The following CYP26C1 variants were observed in gnomAD, a reference collection of about 807,000 sequenced individuals.
CYP26C1 encodes cytochrome P450 26C1.
A neutral mutation model predicts 39.1 loss-of-function variants in CYP26C1; 41 were observed. That is an observed-to-expected ratio of 1.05 (90% CI 0.82 to 1.36). CYP26C1 has a LOEUF of 1.36. CYP26C1 is among the 40% of genes most tolerant of loss of function. The pLI, the probability that CYP26C1 is intolerant of heterozygous loss-of-function variation, is 0.00. For missense variants in CYP26C1, 833 were observed against 752.0 expected, an observed-to-expected ratio of 1.11 and a Z score of -1.26; for synonymous variants, 362 against 350.8, an observed-to-expected ratio of 1.03 and a Z score of -0.36.
chr10:93,067,103 C>T (rs192755803), intron 5 of CYP26C1, among the ~76,000 whole-genome samples: 1 of 152,358 alleles, frequency 6.6e-6, no homozygotes, highest in Non-Finnish European at 1.5e-5. Context: ...ATGGGCATTC[C>T]ACAGTGAACA....
Position 93,062,836 on chromosome 10 carries a change from C to T in CYP26C1, c.546C>T (p.Tyr182=), listed in dbSNP as rs1265555847. ...WCAAGGPVSV[Y]DASKALTFRM... ...CGGCGGGCGGGCCGGTCTCAGTCTA[C>T]GACGCCTCCAAAGCGCTCACCTTCC... is the stretch of plus-strand genomic sequence containing the variant. Residue 182 remains tyrosine (Y), a synonymous_variant, in exon 3 of 6, where the codon TAC becomes TAT. Coordinates refer to ENST00000651965, the MANE Select transcript of CYP26C1 (RefSeq NM_183374.3). 1.3e-6 allele frequency: 2 copies of T among 1,586,678 alleles called. No individual in the cohort carries two copies. Among genetic ancestry groups the T allele is most frequent in the African/African-American group, 1.3e-5 (1 of 74,456 alleles).
chr10:93,063,285 GTC>G (rs1846776148), intron 3 of CYP26C1: 2 of 1,180,826 alleles, frequency 1.7e-6, no homozygotes, highest in South Asian at 7.8e-5. Flanking sequence ...AGAGTTTGGG[GTC>G]TCGGTGGCAG....
chr10:93,063,108 G>C, intron 3 of CYP26C1, 113 bp downstream of exon 3: 1 of 1,447,518 alleles, frequency 6.9e-7, no homozygotes, highest in Admixed American at 2.7e-5. Flanking sequence ...CCTCTGCTGG[G>C]AACGGCGGCA....
intron 3 of CYP26C1, chr10:93,063,463 C>A: frequency 1.7e-5 from 17 of 988,390 alleles, no homozygotes; most frequent in Non-Finnish European, 2.0e-5. Context: ...GTGTGGGCGT[C>A]AGCTCCACCA....
intron 5 of CYP26C1, among the ~76,000 whole-genome samples, chr10:93,067,671 G>A (rs2134415899): frequency 6.6e-6 from 1 of 152,182 alleles, no homozygotes; most frequent in South Asian, 2.1e-4. Context: ...GTTGGAAGAC[G>A]TATCAAAAAG....
At chr10:93,063,678 C>T (rs1478147808) in intron 3 of CYP26C1, 2 of 983,788 alleles carry the variant, frequency 2.0e-6, no homozygotes, top group African/African-American at 1.7e-5. Context: ...GGCTGATCAC[C>T]GTGGATACGT....
chr10:93,067,204 G>A (rs1846840174), intron 5 of CYP26C1, among the ~76,000 whole-genome samples: 2 of 152,252 alleles, frequency 1.3e-5, no homozygotes, highest in Non-Finnish European at 1.5e-5. Flanking sequence ...GAAGGGGGCC[G>A]GGACTGACAG....
At chr10:93,063,910 A>G in intron 3 of CYP26C1, 1 of 986,840 alleles carries the variant, frequency 1.0e-6, no homozygotes, top group Non-Finnish European at 1.2e-6. Context: ...GGCATCCCCT[A>G]TTGCCCACGC....
intron 4 of CYP26C1, 115 bp from the exon 5 acceptor site, chr10:93,065,841 C>T (rs1846817315): frequency 9.7e-7 from 1 of 1,035,148 alleles, no homozygotes; most frequent in Non-Finnish European, 1.3e-6. Flanking sequence ...TTCCCTGCCC[C>T]CTGGCTTTTC....
Position 93,066,176 on chromosome 10 carries a change from C to G in CYP26C1, c.1082C>G (p.Ala361Gly). 3.5e-6 allele frequency: 5 copies of G among 1,443,828 alleles called. No homozygotes were observed. Among genetic ancestry groups the G allele is most frequent in the Non-Finnish European group, 4.6e-6 (5 of 1,098,620 alleles). The allele number at this position is 1,443,828 out of a possible 1,614,324, so 89.4% of individuals were successfully genotyped here. ...GGCTGCGAGCCCGACCTCAGCCTCGCGGCGCTGGGCCGTCTGCGCTACGTC... is the reference window on the plus strand; with the variant it reads ...GGCTGCGAGCCCGACCTCAGCCTCGGGGCGCTGGGCCGTCTGCGCTACGTC... The part of the protein sequence containing the change: ...DCGCEPDLSL[A>G]ALGRLRYVDC... The change falls in exon 5 of 6, where the codon GCG becomes GGG. Residue 361 changes from alanine to glycine, a missense_variant. Transcript: ENST00000651965.
In CYP26C1 at chr10:93,068,859, AAGG is replaced by A; in HGVS notation, c.*169_*171del. ...ACGCGGATGTGTGCCGGACTCGAGG[AAGG>A]AGGAGGGCGAGCCACCGCTGCCGCG... On this transcript the variant is annotated 3_prime_UTR_variant, in exon 6 of 6. Transcript: ENST00000651965. 1.6e-6 allele frequency: 2 copies of A among 1,270,900 alleles called. No homozygotes were observed. Among genetic ancestry groups the A allele is most frequent in the Middle Eastern group, 2.8e-4 (1 of 3,540 alleles). The allele number at this position is 1,270,900 out of a possible 1,614,324, so 78.7% of individuals were successfully genotyped here. A position where few individuals can be genotyped will look rare whatever the true frequency, so the allele number is the denominator to read the frequency against.
In CYP26C1 at chr10:93,063,404, G is replaced by C. The variant is rs1040656830; in HGVS notation, c.705+409G>C. The C allele has an allele frequency of 1.6e-5, 16 of 1,001,446 alleles. No homozygotes were observed. In the African/African-American group the frequency reaches 2.8e-4, roughly 17 times the overall value. The allele number at this position is 1,001,446 out of a possible 1,614,324, so 62.0% of individuals were successfully genotyped here. Reference sequence around the variant, plus strand: ...GCTGCGGAACCGAGGAGAGCGTGAGGGCTGCAGATGAGCCCCGGTCCAGCC... The same window carrying C: ...GCTGCGGAACCGAGGAGAGCGTGAGCGCTGCAGATGAGCCCCGGTCCAGCC... On this transcript the variant is annotated intron_variant, in intron 3 of 5. Transcript: ENST00000651965.
Position 93,063,347 on chromosome 10 carries a change from C to G in CYP26C1, c.705+352C>G. On this transcript the variant is annotated intron_variant, in intron 3 of 5. Transcript: ENST00000651965. ...CTTCCCACAGCGGCGCCCCTGGGGCCGGCCTCCATCACCTCTTCGGAAGCC... is the reference window on the plus strand; with the variant it reads ...CTTCCCACAGCGGCGCCCCTGGGGCGGGCCTCCATCACCTCTTCGGAAGCC... 2.8e-6 allele frequency: 3 copies of G among 1,062,412 alleles called. No homozygotes were observed. In the South Asian group the frequency reaches 1.3e-4, roughly 45 times the overall value. The allele number at this position is 1,062,412 out of a possible 1,614,324, so 65.8% of individuals were successfully genotyped here.
chr10:93,067,773 C>T (rs1440309694), intron 5 of CYP26C1, among the ~76,000 whole-genome samples: 5 of 152,130 alleles, frequency 3.3e-5, no homozygotes, highest in African/African-American at 1.2e-4. Context: ...CTCATGTGCG[C>T]CTTCTTAAAG....
Position 93,061,335 on chromosome 10 carries a change from G to C in CYP26C1, c.72G>C (p.Leu24=). 3 of 1,591,656 alleles carry C rather than the reference G, an allele frequency of 1.9e-6. No homozygotes were observed. The highest frequency in any genetic ancestry group is 2.6e-6 in the Non-Finnish European group (3 of 1,169,840). The change falls in exon 1 of 6, where the codon CTG becomes CTC. Residue 24 remains leucine (L), a synonymous_variant. Transcript: ENST00000651965. Reference sequence around the variant, plus strand: ...GCACTGCTCTCCTGTGCGCGGGCCTGCTGCTCAGCCTGGCCCAGCACCTCT... The same window carrying C: ...GCACTGCTCTCCTGTGCGCGGGCCTCCTGCTCAGCCTGGCCCAGCACCTCT... The part of the protein sequence containing the change: ...AAGTALLCAG[L]LLSLAQHLWT...
chr10:93,062,968 G>T lies in CYP26C1; in HGVS notation c.678G>T (p.Leu226=). ...TGGAGAACCTCTTCTCACTGCCTCT[G>T]GACGTTCCCTTCAGTGGCCTACGCA... ...QLVENLFSLP[L]DVPFSGLRKG... is the part of the protein sequence containing the mutation. The change falls in exon 3 of 6, where the codon CTG becomes CTT. Residue 226 remains leucine, a synonymous_variant. Coordinates refer to ENST00000651965, the MANE Select transcript of CYP26C1 (RefSeq NM_183374.3). 1 of 1,598,358 alleles carries T rather than the reference G, an allele frequency of 6.3e-7. No individual in the cohort carries two copies. The highest frequency in any genetic ancestry group is 8.5e-7 in the Non-Finnish European group (1 of 1,175,924).
rs372692848 is a variant in CYP26C1, at chr10:93,068,614, C to T, written c.1486C>T (p.Pro496Ser). 6 of 1,601,664 alleles carry T rather than the reference C, an allele frequency of 3.7e-6. No homozygotes were observed. The Admixed American group carries it at 5.1e-5, about 14-fold the overall frequency. The change falls in exon 6 of 6, where the codon CCC (proline) becomes TCC (serine). Residue 496 changes from proline to serine, a missense_variant. Physicochemically the swap from Pro to Ser is moderately conservative, Grantham distance 74 (BLOSUM62 -1). Coordinates refer to ENST00000651965, the MANE Select transcript of CYP26C1 (RefSeq NM_183374.3). ...TPAFPAMQTV[P>S]IVHPVDGLRL... ...CGCCTTCCCCGCCATGCAGACGGTG[C>T]CCATCGTGCACCCAGTGGACGGGCT...
chr10:93,065,844 G>A, intron 4 of CYP26C1, 112 bp from the exon 5 acceptor site: 1 of 1,062,638 alleles, frequency 9.4e-7, no homozygotes, highest in East Asian at 3.3e-5. Context: ...CCTGCCCCCT[G>A]GCTTTTCGCA....
chr10:93,064,523 T>C lies in CYP26C1; in HGVS notation c.848T>C (p.Met283Thr), dbSNP rs982368625. ...SARELGHEPSMQELKESAVEL... is the reference protein window; with the variant it reads ...SARELGHEPSTQELKESAVEL... ...AGGGAGCTGGGCCATGAGCCCTCCA[T>C]GCAGGAGCTGAAGGTAGGTGCTGAC... is the stretch of plus-strand genomic sequence containing the variant. Residue 283 changes from methionine to threonine, a missense_variant, in exon 4 of 6, where the codon ATG becomes ACG. Physicochemically the swap from Met to Thr is moderately conservative, Grantham distance 81. Coordinates refer to ENST00000651965, the MANE Select transcript of CYP26C1 (RefSeq NM_183374.3). The C allele has an allele frequency of 6.2e-6, 10 of 1,613,222 alleles. No individual in the cohort carries two copies. The highest frequency in any genetic ancestry group is 8.5e-6 in the Non-Finnish European group (10 of 1,179,458).
Sources: allele counts gnomAD v4.1 joint callset (sites outside exome capture counted in the v4.1 genomes callset), GRCh38; gene constraint gnomAD v4.1.1; transcripts MANE v1.5; gene names NCBI Gene and HGNC (gene_info 2026-07-23, HGNC 2026-07-21).